LRRC4C: variants seen among roughly 807,000 people sequenced by gnomAD.
The protein encoded by LRRC4C is leucine-rich repeat-containing protein 4C.
In LRRC4C, 5 loss-of-function variants were observed where a neutral mutation model predicts 33.6. The observed-to-expected ratio is 0.15, with a 90% CI of 0.08 to 0.31. The LOEUF (loss-of-function observed/expected upper bound fraction) is 0.31. Among genes scored for constraint, LRRC4C ranks in the 10% least tolerant of loss-of-function variants. The pLI, the probability that LRRC4C is intolerant of heterozygous loss-of-function variation, is 1.00. For synonymous variants in LRRC4C, 329 were observed against 302.0 expected, an observed-to-expected ratio of 1.09 and a Z score of -0.93; for missense variants, 560 against 796.7, an observed-to-expected ratio of 0.70 and a Z score of 3.58.
chr11:41,049,787 A>G lies in LRRC4C; in HGVS notation c.-495-116064T>C, dbSNP rs546928909. Among the ~76,000 whole-genome samples, 20 of 152,306 alleles carry G rather than the reference A, an allele frequency of 1.3e-4. No individual in the cohort carries two copies. The South Asian group carries it at 3.9e-3, about 30-fold the overall frequency. ...GTATTCCAGAAACTATGATTGGGGG[A>G]TCCAGTGATCTGGCATGTTGGCTTA... On this transcript the variant is annotated intron_variant, in intron 1 of 6. Transcript: ENST00000528697.
chr11:41,030,302 C>T (rs10768658), intron 1 of LRRC4C, among the ~76,000 whole-genome samples: 108,857 of 151,614 alleles, frequency 0.72, 39,390 homozygotes, highest in South Asian at 0.78. Context: ...AGAACGGAGT[C>T]AAAATATTAA....
intron 3 of LRRC4C, among the ~76,000 whole-genome samples, chr11:40,449,920 G>A (rs1210651926): frequency 1.3e-5 from 2 of 152,186 alleles, no homozygotes; most frequent in Admixed American, 6.5e-5. Context: ...CTGAGAACAT[G>A]AGGAGTGTGA....
At chr11:41,042,135 T>C (rs571898601) in intron 1 of LRRC4C, among the ~76,000 whole-genome samples, 1 of 152,324 alleles carries the variant, frequency 6.6e-6, no homozygotes, top group African/African-American at 2.4e-5. Flanking sequence ...TATCTCCTCT[T>C]TGATATAGGA....
At chr11:40,402,819 T>G (rs1003283435) in intron 3 of LRRC4C, among the ~76,000 whole-genome samples, 1 of 152,100 alleles carries the variant, frequency 6.6e-6, no homozygotes, top group African/African-American at 2.4e-5. Flanking sequence ...GCAAAAAATA[T>G]GTCCTTTTAC....
chr11:40,861,383 T>A (rs543810772), intron 2 of LRRC4C, among the ~76,000 whole-genome samples: 1 of 152,318 alleles, frequency 6.6e-6, no homozygotes, highest in Non-Finnish European at 1.5e-5. Context: ...AAAGGTTTAG[T>A]CCTTTTAAGA....
intron 1 of LRRC4C, among the ~76,000 whole-genome samples, chr11:41,440,603 T>A (rs547069704): frequency 2.8e-4 from 42 of 152,248 alleles, no homozygotes; most frequent in African/African-American, 9.4e-4. Context: ...ATTCCATCTA[T>A]TGGACTGATA....
At chr11:40,277,415 A>C (rs1007151131) in intron 4 of LRRC4C, among the ~76,000 whole-genome samples, 1 of 152,132 alleles carries the variant, frequency 6.6e-6, no homozygotes, top group Non-Finnish European at 1.5e-5. Flanking sequence ...TAGAGGCAAA[A>C]TACTATAACA....
chr11:40,875,530 A>T (rs1954842923), intron 2 of LRRC4C, among the ~76,000 whole-genome samples: 1 of 152,138 alleles, frequency 6.6e-6, no homozygotes, highest in South Asian at 2.1e-4. Context: ...CTGCCTTTAG[A>T]CTTGGGTCTC....
At chr11:40,820,659 A>G (rs528996879) in intron 2 of LRRC4C, among the ~76,000 whole-genome samples, 1 of 151,918 alleles carries the variant, frequency 6.6e-6, no homozygotes, top group Non-Finnish European at 1.5e-5. Flanking sequence ...CATTTTAAAA[A>G]TTATCAGAAA....
intron 1 of LRRC4C, among the ~76,000 whole-genome samples, chr11:41,276,371 T>C (rs1949485680): frequency 6.6e-6 from 1 of 152,146 alleles, no homozygotes; most frequent in African/African-American, 2.4e-5. Context: ...TTACCAGAAG[T>C]TGCTAGCATA....
At chr11:40,431,893 G>A (rs1051932129) in intron 3 of LRRC4C, among the ~76,000 whole-genome samples, 3 of 152,024 alleles carry the variant, frequency 2.0e-5, no homozygotes, top group Non-Finnish European at 2.9e-5. Flanking sequence ...ATCATAACTC[G>A]CAGTACTGAA....
At chr11:40,551,233 T>C (rs550233131) in intron 3 of LRRC4C, among the ~76,000 whole-genome samples, 10 of 152,156 alleles carry the variant, frequency 6.6e-5, no homozygotes, top group South Asian at 2.1e-4. Flanking sequence ...TTAAGAGATA[T>C]GCATACAAGA....
At chr11:40,148,994 A>C (rs1391455603) in intron 5 of LRRC4C, among the ~76,000 whole-genome samples, 2 of 151,958 alleles carry the variant, frequency 1.3e-5, no homozygotes, top group East Asian at 3.9e-4. Flanking sequence ...TAGTTGTAGG[A>C]GTGCAGCATT....
At chr11:40,944,116 G>A (rs1275192760) in intron 1 of LRRC4C, among the ~76,000 whole-genome samples, 1 of 151,938 alleles carries the variant, frequency 6.6e-6, no homozygotes, top group East Asian at 1.9e-4. Flanking sequence ...AGCAGAAAAT[G>A]ATTTTCAAAA....
chr11:41,232,626 T>C (rs1947850068), intron 1 of LRRC4C, among the ~76,000 whole-genome samples: 1 of 152,032 alleles, frequency 6.6e-6, no homozygotes. Flanking sequence ...TATGTGAATA[T>C]ATATATGCCC....
At position 40,792,641 on chromosome 11, in the gene LRRC4C, A is replaced by T. The variant is rs373213098; in HGVS notation, c.-407+140994T>A. Reference sequence around the variant, plus strand: ...ACCCAGCCATCCCATTACTGGGTATATACCCAAAGGATTATAAATCATGCT... The same window carrying T: ...ACCCAGCCATCCCATTACTGGGTATTTACCCAAAGGATTATAAATCATGCT... On this transcript the variant is annotated intron_variant, in intron 2 of 6. Transcript: ENST00000528697. 3.3e-5 allele frequency among the ~76,000 whole-genome samples: 5 copies of T among 152,280 alleles called. No individual in the cohort carries two copies. The South Asian group carries it at 6.2e-4, about 19-fold the overall frequency.
At position 40,574,701 on chromosome 11, in the gene LRRC4C, C is replaced by T. The variant is rs777849588; in HGVS notation, c.-270+73441G>A. Among the ~76,000 whole-genome samples the T allele has an allele frequency of 3.3e-5, 5 of 152,238 alleles. 1 individual carries two copies. The highest frequency in any genetic ancestry group is 2.6e-4 in the Admixed American group (4 of 15,288). On this transcript the variant is annotated intron_variant, in intron 3 of 6. Transcript: ENST00000528697. ...CAGATCATGGGGGTGGAGCTGGCTC[C>T]AATTGCTGGCTGCACTCTCCCCTTT...
intron 1 of LRRC4C, among the ~76,000 whole-genome samples, chr11:41,283,002 A>G (rs1565545575): frequency 1.3e-5 from 2 of 152,234 alleles, no homozygotes; most frequent in South Asian, 2.1e-4. Context: ...GCACTCTATC[A>G]AATGTAATGT....
intron 3 of LRRC4C, among the ~76,000 whole-genome samples, chr11:40,595,539 T>A (rs1454702060): frequency 2.0e-5 from 3 of 152,138 alleles, no homozygotes; most frequent in Non-Finnish European, 2.9e-5. Context: ...CTCTTTCTTC[T>A]CTTTCCCTTC....
Sources: gnomAD v4.1 joint callset for allele counts (sites outside exome capture counted in the v4.1 genomes callset) on GRCh38, gnomAD v4.1.1 for gene constraint, MANE v1.5 for transcripts, NCBI Gene and HGNC (gene_info 2026-07-23, HGNC 2026-07-21) for gene names.